The following HECW1 variants were observed in gnomAD, a reference collection of about 807,000 sequenced individuals.
HECW1 encodes E3 ubiquitin-protein ligase HECW1.
A neutral mutation model predicts 182.3 loss-of-function variants in HECW1; 61 were observed. The ratio of observed to expected loss-of-function variants is 0.33; its 90% confidence interval spans 0.27 to 0.41. The LOEUF is 0.41. Ranked by LOEUF, HECW1 falls within the 10% of genes least tolerant of loss-of-function variation. HECW1 has a pLI of 1.00. For synonymous variants in HECW1, 859 were observed against 832.6 expected (o/e 1.03, Z -0.55); for missense variants, 1,739 against 2,108.9 (o/e 0.82, Z 3.44).
chr7:43,293,425 A>G (rs889066889), intron 3 of HECW1, among the ~76,000 whole-genome samples: 9 of 152,124 alleles, frequency 5.9e-5, no homozygotes, highest in African/African-American at 1.7e-4. Flanking sequence ...ATTGGTTACA[A>G]ACAGCCAAAT....
chr7:43,315,451 G>T (rs921778555), intron 4 of HECW1, among the ~76,000 whole-genome samples: 1 of 142,970 alleles, frequency 7.0e-6, no homozygotes, highest in Non-Finnish European at 1.5e-5. Flanking sequence ...CATATCTCCC[G>T]TCCCATTATT....
intron 2 of HECW1, among the ~76,000 whole-genome samples, chr7:43,133,508 A>C (rs1398741630): frequency 1.3e-5 from 2 of 151,750 alleles, no homozygotes; most frequent in Non-Finnish European, 2.9e-5. Context: ...TTCCTAGAAA[A>C]CTGTCTATTT....
intron 6 of HECW1, among the ~76,000 whole-genome samples, chr7:43,387,681 C>T (rs1202745773): frequency 2.6e-5 from 4 of 152,212 alleles, no homozygotes. Context: ...TATAACTCTT[C>T]TAAGCTGGAC....
chr7:43,268,411 C>A (rs1438762944), intron 3 of HECW1, among the ~76,000 whole-genome samples: 2 of 152,210 alleles, frequency 1.3e-5, no homozygotes, highest in Non-Finnish European at 2.9e-5. Flanking sequence ...AAACCTTTAA[C>A]CCAGAGGCTC....
At chr7:43,483,956 G>C (rs1273055890) in intron 17 of HECW1, among the ~76,000 whole-genome samples, 2 of 152,164 alleles carry the variant, frequency 1.3e-5, no homozygotes, top group African/African-American at 4.8e-5. Context: ...CAATCAGATG[G>C]AAGGGGATGA....
chr7:43,216,294 C>T (rs865902079), intron 2 of HECW1, among the ~76,000 whole-genome samples: 45 of 151,712 alleles, frequency 3.0e-4, no homozygotes, highest in African/African-American at 1.0e-3. Context: ...TACAGGTGTG[C>T]ACCACCATGC....
intron 5 of HECW1, among the ~76,000 whole-genome samples, chr7:43,335,835 C>T (rs1812073579): frequency 6.8e-6 from 1 of 146,640 alleles, no homozygotes; most frequent in African/African-American, 2.5e-5. Flanking sequence ...CCTCTTTCTC[C>T]CTTGACTCCC....
chr7:43,289,767 G>A (rs1433931191), intron 3 of HECW1, among the ~76,000 whole-genome samples: 1 of 152,234 alleles, frequency 6.6e-6, no homozygotes, highest in African/African-American at 2.4e-5. Flanking sequence ...TTACAGTTTG[G>A]TTTTATACAT....
At chr7:43,300,103 G>A (rs1454097996) in intron 3 of HECW1, among the ~76,000 whole-genome samples, 7 of 152,216 alleles carry the variant, frequency 4.6e-5, no homozygotes, top group African/African-American at 1.4e-4. Context: ...AGAGCTTGAC[G>A]GAGGTGCTGG....
intron 6 of HECW1, among the ~76,000 whole-genome samples, chr7:43,382,916 T>C (rs917045638): frequency 2.0e-5 from 3 of 152,180 alleles, no homozygotes; most frequent in Non-Finnish European, 4.4e-5. Flanking sequence ...TTTGTCCTAA[T>C]GCTCTCCCTC....
chr7:43,525,233 C>CT (rs774877254), intron 24 of HECW1, among the ~76,000 whole-genome samples: 2 of 152,046 alleles, frequency 1.3e-5, no homozygotes, highest in Non-Finnish European at 2.9e-5. Context: ...AGGCTTGACT[C>CT]TAAGTATGAA....
At chr7:43,407,936 T>C (rs1390302331) in intron 8 of HECW1, among the ~76,000 whole-genome samples, 3 of 152,138 alleles carry the variant, frequency 2.0e-5, no homozygotes, top group African/African-American at 7.2e-5. Flanking sequence ...CTAACACACT[T>C]TTCATTGCAC....
At chr7:43,515,716 A>G (rs2080115667) in intron 24 of HECW1, among the ~76,000 whole-genome samples, 1 of 152,184 alleles carries the variant, frequency 6.6e-6, no homozygotes, top group African/African-American at 2.4e-5. Context: ...TGAATTAGCC[A>G]GATTATAGTA....
At chr7:43,495,661 A>G (rs1191198991) in intron 19 of HECW1, among the ~76,000 whole-genome samples, 1 of 152,174 alleles carries the variant, frequency 6.6e-6, no homozygotes, top group African/African-American at 2.4e-5. Context: ...CTTTAGCGTG[A>G]TGAATGGCCA....
intron 2 of HECW1, among the ~76,000 whole-genome samples, chr7:43,163,368 C>G (rs572339775): frequency 6.6e-5 from 10 of 152,214 alleles, no homozygotes; most frequent in Non-Finnish European, 1.3e-4. Context: ...CATACACACC[C>G]CCACTGTGTG....
intron 3 of HECW1, among the ~76,000 whole-genome samples, chr7:43,270,234 G>A (rs564583837): frequency 6.6e-6 from 1 of 152,196 alleles, no homozygotes; most frequent in Non-Finnish European, 1.5e-5. Context: ...CAGCAGCTTG[G>A]CTGGCAGGTT....
intron 2 of HECW1, among the ~76,000 whole-genome samples, chr7:43,164,327 C>G (rs1181010243): frequency 6.6e-6 from 1 of 152,168 alleles, no homozygotes; most frequent in Non-Finnish European, 1.5e-5. Context: ...ATTAAAGCAG[C>G]TAATAAAAAG....
rs149256913 is a variant in HECW1, at chr7:43,310,097, A to T, written c.28-1666A>T. Reference sequence around the variant, plus strand: ...TATGGTCTAATTCATAATTATTTTGAATCTCTGTAATACTGTAAGATGGTA... The same window carrying T: ...TATGGTCTAATTCATAATTATTTTGTATCTCTGTAATACTGTAAGATGGTA... On this transcript the variant is annotated intron_variant, in intron 3 of 29. Transcript: ENST00000395891. Among the ~76,000 whole-genome samples, 941 of 152,296 alleles carry T rather than the reference A, an allele frequency of 6.2e-3. 11 individuals are homozygous for T. The highest frequency in any genetic ancestry group is 8.5e-3 in the Non-Finnish European group (577 of 68,030).
At chr7:43,135,926 CT>C (rs1246523177) in intron 2 of HECW1, among the ~76,000 whole-genome samples, 9 of 148,932 alleles carry the variant, frequency 6.0e-5, no homozygotes, top group African/African-American at 2.2e-4. Flanking sequence ...TTCACAAGGC[CT>C]TTTATGCTTT....
Sources: allele counts gnomAD v4.1 joint callset (sites outside exome capture counted in the v4.1 genomes callset), GRCh38; gene constraint gnomAD v4.1.1; transcripts MANE v1.5; gene names NCBI Gene and HGNC (gene_info 2026-07-23, HGNC 2026-07-21).